The following GPC5 variants were observed in gnomAD, a reference collection of about 807,000 sequenced individuals.
GPC5 encodes glypican-5.
Under a neutral mutation model 53.9 loss-of-function variants are expected in GPC5, and 47 were observed. That is an observed-to-expected ratio of 0.87 (90% CI 0.69 to 1.11). GPC5 has a LOEUF of 1.11. GPC5 is among the 50% of genes most tolerant of loss of function. GPC5 has a pLI of 0.00. For synonymous variants in GPC5, 286 were observed against 263.3 expected (o/e 1.09, Z -0.84); for missense variants, 748 against 713.1 (o/e 1.05, Z -0.56).
At chr13:92,300,302 CT>C (rs2043066832) in intron 7 of GPC5, among the ~76,000 whole-genome samples, 1 of 152,158 alleles carries the variant, frequency 6.6e-6, no homozygotes, top group Non-Finnish European at 1.5e-5. Flanking sequence ...AGTTTGGGTT[CT>C]CTCCAATTCC....
At chr13:92,540,484 T>C (rs1022916729) in intron 7 of GPC5, among the ~76,000 whole-genome samples, 3 of 151,980 alleles carry the variant, frequency 2.0e-5, no homozygotes, top group African/African-American at 7.2e-5. Context: ...ACCGTTGATA[T>C]TTAATAATGT....
At chr13:91,456,306 T>A (rs1238435230) in intron 2 of GPC5, among the ~76,000 whole-genome samples, 1 of 152,072 alleles carries the variant, frequency 6.6e-6, no homozygotes, top group Non-Finnish European at 1.5e-5. Context: ...TTTTTTTTAG[T>A]ATTAGTTAAA....
intron 5 of GPC5, among the ~76,000 whole-genome samples, chr13:91,842,802 A>T (rs1475679237): frequency 6.6e-6 from 1 of 152,108 alleles, no homozygotes; most frequent in African/African-American, 2.4e-5. Flanking sequence ...GAGATTTCTA[A>T]AACATCTGAT....
At chr13:92,048,841 C>CA (rs773552135) in intron 6 of GPC5, among the ~76,000 whole-genome samples, 6 of 152,042 alleles carry the variant, frequency 3.9e-5, no homozygotes, top group Non-Finnish European at 5.9e-5. Context: ...TAATGTTGAC[C>CA]AAAAAATAAT....
At chr13:91,658,961 A>G (rs2034917283) in intron 2 of GPC5, among the ~76,000 whole-genome samples, 1 of 152,244 alleles carries the variant, frequency 6.6e-6, no homozygotes, top group East Asian at 1.9e-4. Flanking sequence ...TTATCAGGCT[A>G]TTGTGTAATT....
intron 7 of GPC5, among the ~76,000 whole-genome samples, chr13:92,650,570 A>C (rs1171068843): frequency 2.0e-5 from 3 of 152,184 alleles, no homozygotes; most frequent in South Asian, 2.1e-4. Flanking sequence ...GTGCATATAC[A>C]GGCCAGATAT....
intron 6 of GPC5, among the ~76,000 whole-genome samples, chr13:91,998,393 T>TAC (rs1206821486): frequency 6.6e-6 from 1 of 152,200 alleles, no homozygotes. Context: ...GACAAACACA[T>TAC]ACACACACCC....
At chr13:92,240,293 T>C (rs1021315159) in intron 7 of GPC5, 8 of 152,068 alleles carry the variant, frequency 5.3e-5, no homozygotes, top group African/African-American at 1.9e-4. Flanking sequence ...CTGGTGCTTT[T>C]TTTTTTGTGG....
chr13:92,373,846 T>A (rs1375842034), intron 7 of GPC5, among the ~76,000 whole-genome samples: 1 of 152,194 alleles, frequency 6.6e-6, no homozygotes, highest in Non-Finnish European at 1.5e-5. Context: ...GTCACAATAA[T>A]GTCCTTTCAT....
intron 7 of GPC5, among the ~76,000 whole-genome samples, chr13:92,147,490 G>A (rs142466304): frequency 3.3e-4 from 50 of 151,958 alleles, no homozygotes; most frequent in African/African-American, 1.1e-3. Context: ...ATATTAGTAC[G>A]TCACTCTTTT....
At chr13:92,849,918 A>G (rs1324855067) in intron 7 of GPC5, among the ~76,000 whole-genome samples, 1 of 152,178 alleles carries the variant, frequency 6.6e-6, no homozygotes. Flanking sequence ...ATGCTGACCA[A>G]TTAGAACAGA....
At chr13:92,632,485 T>TATATATAC (rs138355646) in intron 7 of GPC5, among the ~76,000 whole-genome samples, 2,839 of 137,476 alleles carry the variant, frequency 0.021, 34 homozygotes, top group Admixed American at 0.024. Flanking sequence ...TATATATATA[T>TATATATAC]ACACATATAT....
intron 6 of GPC5, among the ~76,000 whole-genome samples, chr13:91,911,745 A>G (rs778190064): frequency 7.2e-5 from 11 of 152,210 alleles, no homozygotes; most frequent in Non-Finnish European, 1.3e-4. Flanking sequence ...AGAAGTGCAT[A>G]GATTTAGACA....
At chr13:92,067,917 T>A (rs2041179891) in intron 6 of GPC5, among the ~76,000 whole-genome samples, 1 of 152,014 alleles carries the variant, frequency 6.6e-6, no homozygotes, top group South Asian at 2.1e-4. Flanking sequence ...ATGGGTCATT[T>A]TAATTTTCTA....
chr13:91,927,751 A>G (rs1431726422), intron 6 of GPC5, among the ~76,000 whole-genome samples: 1 of 152,182 alleles, frequency 6.6e-6, no homozygotes, highest in Non-Finnish European at 1.5e-5. Context: ...TGAACAGGCT[A>G]TTAAAACTAA....
chr13:91,888,116 G>T (rs1024198721), intron 5 of GPC5, among the ~76,000 whole-genome samples: 1 of 152,158 alleles, frequency 6.6e-6, no homozygotes, highest in African/African-American at 2.4e-5. Flanking sequence ...GTTCCACATA[G>T]CTGGGGAGGC....
intron 7 of GPC5, among the ~76,000 whole-genome samples, chr13:92,158,165 T>A (rs1231965155): frequency 1.3e-5 from 2 of 152,164 alleles, no homozygotes; most frequent in African/African-American, 2.4e-5. Context: ...TACAGATGTT[T>A]CAAGTATCAG....
At chr13:92,567,136 A>G (rs1882887186) in intron 7 of GPC5, among the ~76,000 whole-genome samples, 1 of 152,102 alleles carries the variant, frequency 6.6e-6, no homozygotes, top group Non-Finnish European at 1.5e-5. Flanking sequence ...CACAAAATGG[A>G]CAGTTATTTC....
chr13:92,118,635 C>T (rs180980220), intron 6 of GPC5, among the ~76,000 whole-genome samples: 27 of 152,222 alleles, frequency 1.8e-4, no homozygotes, highest in African/African-American at 6.3e-4. Context: ...ATTTTGCACA[C>T]CATGGGTTAG....
Sources: gnomAD v4.1 joint callset for allele counts (sites outside exome capture counted in the v4.1 genomes callset) on GRCh38, gnomAD v4.1.1 for gene constraint, MANE v1.5 for transcripts, NCBI Gene and HGNC (gene_info 2026-07-23, HGNC 2026-07-21) for gene names.